Variants in KCTD9 observed in about 807,000 individuals in gnomAD.
The protein encoded by KCTD9 is BTB/POZ domain-containing protein KCTD9.
Under a neutral mutation model 53.3 loss-of-function variants are expected in KCTD9, and 17 were observed. The ratio of observed to expected loss-of-function variants is 0.32; its 90% CI spans 0.22 to 0.48. The LOEUF (loss-of-function observed/expected upper bound fraction) is 0.48, where lower values mean the gene tolerates loss of function less well. Ranked by LOEUF, KCTD9 falls within the 20% of genes least tolerant of loss-of-function variation. The probability of loss-of-function intolerance (pLI) is 0.99; values close to 1 mark genes in which losing one functional copy is unlikely to be tolerated. For synonymous variants in KCTD9, 128 were observed against 162.7 expected (o/e 0.79, Z 1.62); for missense variants, 179 against 465.5 (o/e 0.38, Z 5.66).
At chr8:25,449,923 A>G (rs1416800365) in intron 1 of KCTD9, among the ~76,000 whole-genome samples, 1 of 152,140 alleles carries the variant, frequency 6.6e-6, no homozygotes, top group Admixed American at 6.5e-5. Flanking sequence ...ACAACTCAAG[A>G]CCTGTTTGTT....
chr8:25,441,487 T>A (rs1802121100), intron 3 of KCTD9, among the ~76,000 whole-genome samples: 2 of 152,008 alleles, frequency 1.3e-5, no homozygotes, highest in South Asian at 4.1e-4. Context: ...AATCTAATAT[T>A]CCAAAACATG....
chr8:25,444,585 C>G (rs1242847491), intron 2 of KCTD9, among the ~76,000 whole-genome samples: 1 of 152,146 alleles, frequency 6.6e-6, no homozygotes, highest in Non-Finnish European at 1.5e-5. Context: ...TCTCCTTACA[C>G]AAACGATGTT....
At chr8:25,431,006 T>C (rs1427567057) in intron 11 of KCTD9, among the ~76,000 whole-genome samples, 1 of 152,060 alleles carries the variant, frequency 6.6e-6, no homozygotes, top group Non-Finnish European at 1.5e-5. Flanking sequence ...ATTTTTTCTA[T>C]TTTTAGTAGA....
intron 11 of KCTD9, among the ~76,000 whole-genome samples, chr8:25,431,428 T>A (rs768941293): frequency 2.0e-5 from 3 of 152,088 alleles, no homozygotes; most frequent in Non-Finnish European, 2.9e-5. Flanking sequence ...AGCAATAAGA[T>A]AGAGATTCCA....
Position 25,458,354 on chromosome 8 carries a change from C to T in KCTD9, c.-108G>A. 7.9e-7 allele frequency: 1 copy of T among 1,273,704 alleles called. No individual in the cohort carries two copies. Among genetic ancestry groups the T allele is most frequent in the Non-Finnish European group, 1.1e-6 (1 of 889,464 alleles). 78.9% of individuals were successfully genotyped at this position (1,273,704 alleles called of 1,614,324 possible). On this transcript the variant is annotated 5_prime_UTR_variant, in exon 1 of 12. Transcript: ENST00000221200. ...CCTCCCTCCACCCACTCGGATTCGC[C>T]TCCCTTCGCCACCTTCCTGCCCTTG...
At chr8:25,445,910 T>C (rs1443935132) in intron 2 of KCTD9, among the ~76,000 whole-genome samples, 1 of 151,888 alleles carries the variant, frequency 6.6e-6, no homozygotes, top group Non-Finnish European at 1.5e-5. Context: ...ATATGAACTA[T>C]GCAGAAAGAC....
At chr8:25,440,724 G>A (rs1802106518) in intron 3 of KCTD9, 51 bp from the exon 4 acceptor site, 1 of 1,284,666 alleles carries the variant, frequency 7.8e-7, no homozygotes, top group Non-Finnish European at 1.1e-6. Context: ...GGGGATTCTG[G>A]GAAGATGGTA....
intron 1 of KCTD9, among the ~76,000 whole-genome samples, chr8:25,456,786 G>C (rs1044557234): frequency 2.0e-5 from 3 of 152,112 alleles, no homozygotes; most frequent in African/African-American, 7.2e-5. Flanking sequence ...GAGAGATTTA[G>C]AGCAAAAATA....
chr8:25,451,857 A>C (rs1194505942), intron 1 of KCTD9, among the ~76,000 whole-genome samples: 3 of 152,192 alleles, frequency 2.0e-5, no homozygotes, highest in Non-Finnish European at 4.4e-5. Flanking sequence ...ATAAATACAC[A>C]AGTATTTGTG....
intron 11 of KCTD9, among the ~76,000 whole-genome samples, chr8:25,430,510 C>G (rs1801907050): frequency 6.6e-6 from 1 of 152,080 alleles, no homozygotes; most frequent in African/African-American, 2.4e-5. Context: ...GAATCTAATG[C>G]CTGATGATCT....
At chr8:25,433,559 T>A in intron 9 of KCTD9, 124 bp from the exon 10 acceptor site, 4 of 450,578 alleles carry the variant, frequency 8.9e-6, no homozygotes, top group Non-Finnish European at 1.6e-5. Flanking sequence ...ATACTCAATT[T>A]TATTTTCTGT....
chr8:25,439,238 G>C (rs781467473), intron 6 of KCTD9, 41 bp downstream of exon 6: 1 of 1,469,176 alleles, frequency 6.8e-7, no homozygotes, highest in Non-Finnish European at 9.3e-7. Context: ...ACAAAAATGT[G>C]AGTAGTTACA....
At chr8:25,444,914 G>A (rs1221736124) in intron 2 of KCTD9, among the ~76,000 whole-genome samples, 1 of 152,102 alleles carries the variant, frequency 6.6e-6, no homozygotes, top group East Asian at 1.9e-4. Context: ...AACCAAAAAT[G>A]AATAAACAGA....
chr8:25,438,416 C>G lies in KCTD9; in HGVS notation c.499+863G>C, dbSNP rs552383918. Among the ~76,000 whole-genome samples, 56 of 151,908 alleles carry G rather than the reference C, an allele frequency of 3.7e-4. 1 individual carries two copies. In the South Asian group the frequency reaches 0.011, roughly 31 times the overall value. On this transcript the variant is annotated intron_variant, in intron 6 of 11. Coordinates refer to ENST00000221200, the MANE Select transcript of KCTD9 (RefSeq NM_017634.4). ...TTTCACTACAGAAACTGTAAGCCAG[C>G]AGTCCTCAGGCTGATTCTGATGTGT...
In KCTD9 at chr8:25,458,427, G is replaced by A; in HGVS notation, c.-181C>T. ...TCTGTCCCACACCCAAGGTTCGGCC[G>A]GTCCTCCTTCCCACCCCGCCCCTAG... On this transcript the variant is annotated 5_prime_UTR_variant, in exon 1 of 12. Coordinates refer to ENST00000221200, the MANE Select transcript of KCTD9 (RefSeq NM_017634.4). The A allele has an allele frequency of 4.3e-6, 3 of 695,252 alleles. No homozygotes were observed. Among genetic ancestry groups the A allele is most frequent in the Admixed American group, 2.4e-5 (1 of 41,600 alleles). 43.1% of individuals were successfully genotyped at this position (695,252 alleles called of 1,614,324 possible).
intron 11 of KCTD9, among the ~76,000 whole-genome samples, chr8:25,430,176 C>T (rs560534881): frequency 6.6e-6 from 1 of 152,136 alleles, no homozygotes; most frequent in Non-Finnish European, 1.5e-5. Context: ...AGGCTGATCA[C>T]CATAAATATG....
At chr8:25,447,954 T>C (rs1462282177) in intron 1 of KCTD9, among the ~76,000 whole-genome samples, 1 of 151,796 alleles carries the variant, frequency 6.6e-6, no homozygotes, top group Non-Finnish European at 1.5e-5. Flanking sequence ...TGGTGAAACA[T>C]GGTCTCTACA....
chr8:25,443,956 C>T (rs1160666563), intron 3 of KCTD9, among the ~76,000 whole-genome samples: 1 of 151,950 alleles, frequency 6.6e-6, no homozygotes, highest in Non-Finnish European at 1.5e-5. Context: ...TAATACAACA[C>T]GTAGAAAAAT....
chr8:25,457,666 GCCC>G, intron 1 of KCTD9: 1 of 152,410 alleles, frequency 6.6e-6, no homozygotes, highest in Non-Finnish European at 1.5e-5. Context: ...ACAAGAAAAT[GCCC>G]CCATTTTAAA....
Sources: allele counts gnomAD v4.1 joint callset (sites outside exome capture counted in the v4.1 genomes callset), GRCh38; gene constraint gnomAD v4.1.1; transcripts MANE v1.5; gene names NCBI Gene and HGNC (gene_info 2026-07-23, HGNC 2026-07-21).